CHRM3: variants seen among roughly 807,000 people sequenced by gnomAD.
CHRM3 encodes the protein cholinergic receptor muscarinic 3, also known as muscarinic acetylcholine receptor M3.
Under a neutral mutation model 41.8 loss-of-function variants are expected in CHRM3, and 11 were observed. The observed-to-expected ratio is 0.26, with a 90% CI of 0.17 to 0.44. The LOEUF (loss-of-function observed/expected upper bound fraction) is 0.44. Among genes scored for constraint, CHRM3 ranks in the 20% least tolerant of loss-of-function variants. The pLI is 1.00. For missense variants in CHRM3, 571 were observed against 745.4 expected, an observed-to-expected ratio of 0.77 and a Z score of 2.72; for synonymous variants, 297 against 301.4, an observed-to-expected ratio of 0.99 and a Z score of 0.15.
At chr1:239,792,212 G>A (rs1052880658) in intron 5 of CHRM3, among the ~76,000 whole-genome samples, 1 of 152,118 alleles carries the variant, frequency 6.6e-6, no homozygotes, top group African/African-American at 2.4e-5. Context: ...CATGGAGGGA[G>A]AAGAACTCTG....
At chr1:239,456,527 C>T (rs145080844) in intron 1 of CHRM3, among the ~76,000 whole-genome samples, 3 of 152,234 alleles carry the variant, frequency 2.0e-5, no homozygotes, top group East Asian at 1.9e-4. Flanking sequence ...ATCCACTCTA[C>T]GATGTCGGCG....
intron 6 of CHRM3, among the ~76,000 whole-genome samples, chr1:239,857,467 A>G (rs1302786905): frequency 2.6e-5 from 4 of 152,190 alleles, no homozygotes; most frequent in Non-Finnish European, 4.4e-5. Context: ...TGAAAAAAAT[A>G]TGAAATAATC....
intron 6 of CHRM3, among the ~76,000 whole-genome samples, chr1:239,879,197 C>A (rs746197932): frequency 1.3e-5 from 2 of 152,090 alleles, no homozygotes; most frequent in African/African-American, 2.4e-5. Flanking sequence ...ATGGCCTGAT[C>A]ATAGTTCACT....
chr1:239,492,384 A>G (rs960070696), intron 1 of CHRM3, among the ~76,000 whole-genome samples: 3 of 152,160 alleles, frequency 2.0e-5, no homozygotes, highest in Admixed American at 6.5e-5. Context: ...TATTATACCT[A>G]TGCTTCATTG....
intron 5 of CHRM3, among the ~76,000 whole-genome samples, chr1:239,797,954 C>T (rs1375957002): frequency 1.3e-5 from 2 of 152,018 alleles, no homozygotes; most frequent in Non-Finnish European, 2.9e-5. Flanking sequence ...GAGACTGAAG[C>T]GGGATGATCA....
intron 1 of CHRM3, among the ~76,000 whole-genome samples, chr1:239,450,061 C>T (rs1664451601): frequency 6.6e-6 from 1 of 152,280 alleles, no homozygotes. Flanking sequence ...ACACGTTTTG[C>T]ACGTTGTTGC....
At chr1:239,652,881 T>G (rs1672365138) in intron 4 of CHRM3, among the ~76,000 whole-genome samples, 1 of 152,206 alleles carries the variant, frequency 6.6e-6, no homozygotes, top group Non-Finnish European at 1.5e-5. Flanking sequence ...TAAGAACTAT[T>G]TTGTAGAAGT....
At chr1:239,394,144 G>A (rs1196256754) in intron 1 of CHRM3, among the ~76,000 whole-genome samples, 1 of 152,214 alleles carries the variant, frequency 6.6e-6, no homozygotes, top group African/African-American at 2.4e-5. Flanking sequence ...GGGGATGTTA[G>A]ATGTTGCGTG....
At chr1:239,545,976 A>C (rs1285638452) in intron 3 of CHRM3, 5 of 152,174 alleles carry the variant, frequency 3.3e-5, no homozygotes, top group Non-Finnish European at 7.4e-5. Context: ...ATGTATACCT[A>C]TATAGGCAGA....
intron 4 of CHRM3, among the ~76,000 whole-genome samples, chr1:239,653,865 A>G (rs1433006261): frequency 6.6e-6 from 1 of 152,198 alleles, no homozygotes; most frequent in Admixed American, 6.5e-5. Flanking sequence ...AGGAAATAGC[A>G]AGAGAGGAGA....
chr1:239,479,782 A>G (rs947178041), intron 1 of CHRM3, among the ~76,000 whole-genome samples: 2 of 152,164 alleles, frequency 1.3e-5, no homozygotes, highest in African/African-American at 4.8e-5. Flanking sequence ...AAAAAATAGC[A>G]CATGTCTAAA....
At chr1:239,744,326 T>C (rs748667183) in intron 5 of CHRM3, among the ~76,000 whole-genome samples, 1 of 151,982 alleles carries the variant, frequency 6.6e-6, no homozygotes, top group Non-Finnish European at 1.5e-5. Context: ...TACAAGTAGG[T>C]GATAAATATT....
At chr1:239,899,388 CAT>C (rs987315120) in intron 6 of CHRM3, among the ~76,000 whole-genome samples, 17 of 146,116 alleles carry the variant, frequency 1.2e-4, no homozygotes, top group South Asian at 6.4e-4. Context: ...TATATAAACA[CAT>C]ATACATATAC....
At chr1:239,684,566 G>C (rs989650705) in intron 5 of CHRM3, among the ~76,000 whole-genome samples, 2 of 151,174 alleles carry the variant, frequency 1.3e-5, no homozygotes, top group African/African-American at 4.9e-5. Context: ...GCATGTTGGC[G>C]CTAGAACCTG....
intron 1 of CHRM3, among the ~76,000 whole-genome samples, chr1:239,399,497 C>CA (rs1333110800): frequency 3.3e-5 from 5 of 152,094 alleles, no homozygotes; most frequent in Admixed American, 1.3e-4. Flanking sequence ...AACATCTCCC[C>CA]AACCATCACC....
At position 239,869,676 on chromosome 1, in the gene CHRM3, T is replaced by C. The variant is rs147903723; in HGVS notation, c.-19-37757T>C. Among the ~76,000 whole-genome samples, 6 of 152,284 alleles carry C rather than the reference T, an allele frequency of 3.9e-5. No individual in the cohort carries two copies. In the East Asian group the frequency reaches 1.2e-3, roughly 29 times the overall value. On this transcript the variant is annotated intron_variant, in intron 6 of 6. Coordinates refer to ENST00000676153, the MANE Select transcript of CHRM3 (RefSeq NM_001375978.1). ...CCTCTGACCCCCCCAGAGCTTATAA[T>C]GTGTACTTATTACTGTATTAATTGC...
In CHRM3 at chr1:239,427,332, A is replaced by G. The variant is rs187048831; in HGVS notation, c.-521+40105A>G. On this transcript the variant is annotated intron_variant, in intron 1 of 6. Coordinates refer to ENST00000676153, the MANE Select transcript of CHRM3 (RefSeq NM_001375978.1). ...CCAGGACTAGCAACCACAGACAGCCATGACCTCTCCTAGGCCTGGAGGGTT... is the reference window on the plus strand; with the variant it reads ...CCAGGACTAGCAACCACAGACAGCCGTGACCTCTCCTAGGCCTGGAGGGTT... Among the ~76,000 whole-genome samples the G allele has an allele frequency of 2.0e-5, 3 of 152,284 alleles. No individual in the cohort carries two copies. The East Asian group carries it at 5.8e-4, about 30-fold the overall frequency.
At chr1:239,898,973 C>G (rs967040647) in intron 6 of CHRM3, among the ~76,000 whole-genome samples, 1 of 152,120 alleles carries the variant, frequency 6.6e-6, no homozygotes, top group Non-Finnish European at 1.5e-5. Context: ...TCAGTACTGT[C>G]AAACTTTTTT....
rs574770083 is a variant in CHRM3 at position 239,472,974 on chromosome 1, A to G, written c.-520-19735A>G. Among the ~76,000 whole-genome samples the G allele has an allele frequency of 3.3e-5, 5 of 152,344 alleles. No individual in the cohort carries two copies. In the East Asian group the frequency reaches 9.7e-4, roughly 29 times the overall value. On this transcript the variant is annotated intron_variant, in intron 1 of 6. Transcript: ENST00000676153. ...ACCAATGAAATAACAAAGAAAGATC[A>G]GTAATAGTCTCAGATAAAAAAGAAA...
Sources: allele counts gnomAD v4.1 joint callset (sites outside exome capture counted in the v4.1 genomes callset), GRCh38; gene constraint gnomAD v4.1.1; transcripts MANE v1.5; gene names NCBI Gene and HGNC (gene_info 2026-07-23, HGNC 2026-07-21).